ANKRD55: variants seen among roughly 807,000 people sequenced by gnomAD.
ANKRD55 encodes ankyrin repeat domain 55.
A neutral mutation model predicts 60.6 loss-of-function variants in ANKRD55; 41 were observed. The observed-to-expected ratio is 0.68, with a 90% CI of 0.53 to 0.88. The LOEUF (loss-of-function observed/expected upper bound fraction) is 0.88. ANKRD55 is among the 40% of genes least tolerant of loss of function. The probability of loss-of-function intolerance (pLI) is 0.00; values close to 1 mark genes in which losing one functional copy is unlikely to be tolerated. For synonymous variants in ANKRD55, 264 were observed against 290.3 expected, an observed-to-expected ratio of 0.91 and a Z score of 0.92; for missense variants, 732 against 767.6, an observed-to-expected ratio of 0.95 and a Z score of 0.55.
At chr5:56,213,244 AAAAT>A (rs1759720776) in intron 2 of ANKRD55, among the ~76,000 whole-genome samples, 1 of 152,208 alleles carries the variant, frequency 6.6e-6, no homozygotes, top group African/African-American at 2.4e-5. Flanking sequence ...TTTATTTGTA[AAAAT>A]AAATAGATAA....
rs541069617 is a variant in ANKRD55 at position 56,101,521 on chromosome 5, T to C, written c.1723+973A>G. 4.6e-5 allele frequency among the ~76,000 whole-genome samples: 7 copies of C among 152,292 alleles called. No individual in the cohort carries two copies. The South Asian group carries it at 1.5e-3, about 32-fold the overall frequency. Reference sequence around the variant, plus strand: ...TAGACTCAGTGTCCTGTAGTTTTGTTCCTGGCTCTACAATGGGAATAATAA... The same window carrying C: ...TAGACTCAGTGTCCTGTAGTTTTGTCCCTGGCTCTACAATGGGAATAATAA... On this transcript the variant is annotated intron_variant, in intron 11 of 11. Transcript: ENST00000341048.
chr5:56,127,678 C>T, intron 7 of ANKRD55: 1 of 561,940 alleles, frequency 1.8e-6, no homozygotes, highest in Non-Finnish European at 2.3e-6. Context: ...AGTCTTGTAT[C>T]AGACTTCGTT....
intron 7 of ANKRD55, among the ~76,000 whole-genome samples, chr5:56,141,298 C>T (rs1757759431): frequency 6.6e-6 from 1 of 151,936 alleles, no homozygotes; most frequent in South Asian, 2.1e-4. Flanking sequence ...CCCAGGGTCT[C>T]ACTGCATTAC....
chr5:56,202,158 G>A (rs1038634819), intron 2 of ANKRD55, among the ~76,000 whole-genome samples: 6 of 152,164 alleles, frequency 3.9e-5, no homozygotes, highest in African/African-American at 1.2e-4. Context: ...GGGTGGTGTG[G>A]GGAGAGGGGG....
At chr5:56,219,631 C>G (rs939836855) in intron 2 of ANKRD55, among the ~76,000 whole-genome samples, 5 of 152,194 alleles carry the variant, frequency 3.3e-5, no homozygotes, top group African/African-American at 1.2e-4. Flanking sequence ...AAACACAATT[C>G]AGCAGACCCT....
At chr5:56,177,515 G>C (rs1456397625) in intron 3 of ANKRD55, among the ~76,000 whole-genome samples, 2 of 152,250 alleles carry the variant, frequency 1.3e-5, no homozygotes, top group African/African-American at 4.8e-5. Flanking sequence ...GGTGGCTCCT[G>C]CCTGTAATCC....
chr5:56,165,225 A>C (rs1024162006), intron 5 of ANKRD55, among the ~76,000 whole-genome samples: 3 of 152,150 alleles, frequency 2.0e-5, no homozygotes, highest in Non-Finnish European at 4.4e-5. Context: ...ATGCCAGTTT[A>C]CAAAGGTGTG....
At chr5:56,165,976 T>G (rs1758438612) in intron 5 of ANKRD55, among the ~76,000 whole-genome samples, 1 of 152,002 alleles carries the variant, frequency 6.6e-6, no homozygotes, top group Non-Finnish European at 1.5e-5. Context: ...AGCCTTGACA[T>G]GTTAACTTGC....
chr5:56,118,284 T>A (rs1422880645), intron 8 of ANKRD55, among the ~76,000 whole-genome samples: 1 of 152,066 alleles, frequency 6.6e-6, no homozygotes, highest in African/African-American at 2.4e-5. Flanking sequence ...TATTTGCAAA[T>A]CACATAGTCA....
At chr5:56,224,263 GAAA>G (rs1760048260) in intron 2 of ANKRD55, among the ~76,000 whole-genome samples, 1 of 151,484 alleles carries the variant, frequency 6.6e-6, no homozygotes, top group Non-Finnish European at 1.5e-5. Context: ...AATGAAGGCA[GAAA>G]TAAAGATGTT....
intron 2 of ANKRD55, among the ~76,000 whole-genome samples, chr5:56,222,764 T>G (rs1760001041): frequency 6.6e-6 from 1 of 152,130 alleles, no homozygotes; most frequent in African/African-American, 2.4e-5. Context: ...TGATTGAAGA[T>G]CAAATGAATG....
At chr5:56,164,705 C>T (rs370434016) in intron 5 of ANKRD55, among the ~76,000 whole-genome samples, 3 of 152,244 alleles carry the variant, frequency 2.0e-5, no homozygotes, top group African/African-American at 7.2e-5. Flanking sequence ...CTCTTTCACA[C>T]CAGCGCCCTC....
intron 2 of ANKRD55, among the ~76,000 whole-genome samples, chr5:56,201,694 C>G (rs2111858820): frequency 6.6e-6 from 1 of 152,280 alleles, no homozygotes; most frequent in South Asian, 2.1e-4. Flanking sequence ...AAAGCAGTGC[C>G]TGGCCCAGAG....
intron 6 of ANKRD55, among the ~76,000 whole-genome samples, chr5:56,150,688 A>G (rs1031145591): frequency 6.6e-5 from 10 of 152,126 alleles, no homozygotes; most frequent in African/African-American, 2.4e-4. Flanking sequence ...ATTTGAGGTC[A>G]GGAGTTCGAG....
chr5:56,192,743 A>C, intron 2 of ANKRD55: 1 of 1,317,520 alleles, frequency 7.6e-7, no homozygotes, highest in Non-Finnish European at 1.1e-6. Flanking sequence ...AATGAACTTC[A>C]ATGCAGATTC....
chr5:56,151,538 C>T (rs1022746891), intron 6 of ANKRD55, among the ~76,000 whole-genome samples: 4 of 151,996 alleles, frequency 2.6e-5, no homozygotes, highest in East Asian at 3.9e-4. Context: ...CTAGGCTGGG[C>T]GTGGTGGCTC....
chr5:56,127,277 C>G (rs1011253337), intron 7 of ANKRD55, 171 bp from the exon 8 acceptor site: 7 of 985,214 alleles, frequency 7.1e-6, no homozygotes, highest in Non-Finnish European at 8.4e-6. Context: ...TCTATCTAAG[C>G]TCTCCAACAA....
intron 8 of ANKRD55, among the ~76,000 whole-genome samples, chr5:56,119,784 G>T (rs1265015099): frequency 6.6e-6 from 1 of 151,920 alleles, no homozygotes; most frequent in Non-Finnish European, 1.5e-5. Context: ...GATGTGATGG[G>T]TACGTGCCTG....
intron 6 of ANKRD55, among the ~76,000 whole-genome samples, chr5:56,155,975 A>G (rs563622032): frequency 2.7e-4 from 41 of 152,298 alleles, no homozygotes; most frequent in African/African-American, 9.1e-4. Flanking sequence ...TTTGTTTTAA[A>G]TCTTCAGTGA....
Sources: gnomAD v4.1 joint callset for allele counts (sites outside exome capture counted in the v4.1 genomes callset) on GRCh38, gnomAD v4.1.1 for gene constraint, MANE v1.5 for transcripts, NCBI Gene and HGNC (gene_info 2026-07-23, HGNC 2026-07-21) for gene names.